GALNT17: variants seen among roughly 807,000 people sequenced by gnomAD.
GALNT17 encodes the protein UDP-GalNAc:polypeptide N-acetylgalactosaminyltransferase-like 3.
Under a neutral mutation model 63.7 loss-of-function variants are expected in GALNT17, and 29 were observed. The ratio of observed to expected loss-of-function variants is 0.46; its 90% confidence interval spans 0.34 to 0.62. The LOEUF (loss-of-function observed/expected upper bound fraction) is 0.62. Among genes scored for constraint, GALNT17 ranks in the 20% least tolerant of loss-of-function variants. GALNT17 has a pLI of 0.01. For synonymous variants in GALNT17, 305 were observed against 318.3 expected (o/e 0.96, Z 0.45); for missense variants, 603 against 799.6 (o/e 0.75, Z 2.97).
chr7:71,391,982 G>A (rs1793060192), intron 3 of GALNT17, among the ~76,000 whole-genome samples: 1 of 152,018 alleles, frequency 6.6e-6, no homozygotes. Context: ...CCCAGACTCT[G>A]TGAGAACTTC....
chr7:71,414,255 A>G (rs1793484679), intron 3 of GALNT17, among the ~76,000 whole-genome samples: 1 of 152,200 alleles, frequency 6.6e-6, no homozygotes, highest in Admixed American at 6.5e-5. Flanking sequence ...ACGTAAAAAT[A>G]AATAAAAATA....
intron 9 of GALNT17, among the ~76,000 whole-genome samples, chr7:71,684,340 G>A (rs1791318343): frequency 6.6e-6 from 1 of 152,166 alleles, no homozygotes; most frequent in Non-Finnish European, 1.5e-5. Flanking sequence ...AAGAAAGAGG[G>A]GGCTAGGGGT....
chr7:71,661,090 C>T (rs185605679), intron 6 of GALNT17, among the ~76,000 whole-genome samples: 1 of 152,308 alleles, frequency 6.6e-6, no homozygotes, highest in Non-Finnish European at 1.5e-5. Flanking sequence ...CTCACTGTTT[C>T]CCCTGCTCAC....
chr7:71,392,015 C>T (rs998139748), intron 3 of GALNT17, among the ~76,000 whole-genome samples: 2 of 152,014 alleles, frequency 1.3e-5, no homozygotes, highest in African/African-American at 4.8e-5. Context: ...AAGGAGGCAT[C>T]GAGCCACAAA....
chr7:71,495,638 C>T lies in GALNT17; in HGVS notation c.962+74533C>T, dbSNP rs116034866. ...GGCCAGGCCCCTAATGACTGATCTC[C>T]TGACCCGGCCTGGAATGGGAGCACT... On this transcript the variant is annotated intron_variant, in intron 5 of 10. Coordinates refer to ENST00000333538, the MANE Select transcript of GALNT17 (RefSeq NM_022479.3). Among the ~76,000 whole-genome samples, 123 of 152,258 alleles carry T rather than the reference C, an allele frequency of 8.1e-4. 1 individual carries two copies. Among genetic ancestry groups the T allele is most frequent in the African/African-American group, 2.9e-3 (120 of 41,562 alleles).
chr7:71,302,426 T>C (rs1333740446), intron 1 of GALNT17, among the ~76,000 whole-genome samples: 1 of 152,188 alleles, frequency 6.6e-6, no homozygotes, highest in Non-Finnish European at 1.5e-5. Context: ...GGCATGGGGC[T>C]TCAGCTGTGT....
At chr7:71,340,152 C>T (rs893097373) in intron 2 of GALNT17, among the ~76,000 whole-genome samples, 1 of 152,172 alleles carries the variant, frequency 6.6e-6, no homozygotes, top group South Asian at 2.1e-4. Flanking sequence ...TTCTGATGGC[C>T]GGGGGAGGGG....
intron 1 of GALNT17, among the ~76,000 whole-genome samples, chr7:71,275,941 A>G (rs754467626): frequency 4.1e-4 from 63 of 152,198 alleles, no homozygotes; most frequent in South Asian, 1.0e-3. Flanking sequence ...TGCACAATCC[A>G]CAACCACCAG....
intron 1 of GALNT17, among the ~76,000 whole-genome samples, chr7:71,238,276 A>G (rs978673194): frequency 6.6e-6 from 1 of 152,170 alleles, no homozygotes; most frequent in Non-Finnish European, 1.5e-5. Context: ...CTCTGGTTCC[A>G]GGGTGGGAGG....
chr7:71,662,318 T>TTCTATC (rs142883000), intron 6 of GALNT17, among the ~76,000 whole-genome samples: 3 of 150,942 alleles, frequency 2.0e-5, no homozygotes, highest in Non-Finnish European at 4.4e-5. Context: ...ATCTCTCTGT[T>TTCTATC]TATCTATCTA....
intron 5 of GALNT17, among the ~76,000 whole-genome samples, chr7:71,527,454 T>G (rs1788642918): frequency 1.3e-5 from 2 of 152,142 alleles, no homozygotes; most frequent in South Asian, 4.1e-4. Flanking sequence ...AGCCTAGAGA[T>G]TCCAAGTCTT....
chr7:71,300,881 G>A (rs943526459), intron 1 of GALNT17: 2 of 153,562 alleles, frequency 1.3e-5, no homozygotes, highest in South Asian at 4.0e-4. Context: ...CAGCTATTCT[G>A]AGGGCCTTGG....
intron 1 of GALNT17, among the ~76,000 whole-genome samples, chr7:71,319,183 C>G (rs1157583933): frequency 7.3e-6 from 1 of 136,706 alleles, no homozygotes; most frequent in Non-Finnish European, 1.6e-5. Context: ...AGCAGTAGTT[C>G]CACATTTATC....
In GALNT17 at chr7:71,377,114, A is replaced by AAAAATATATATATATAT; in HGVS notation, c.423-11120_423-11119insAAATATATATATATATA. On this transcript the variant is annotated intron_variant, in intron 2 of 10. Coordinates refer to ENST00000333538, the MANE Select transcript of GALNT17 (RefSeq NM_022479.3). Reference sequence around the variant, plus strand: ...AAAAAAAAAAAATAAAAATAAAAAAAATATATATATATATATATATATATA... The same window carrying AAAAATATATATATATAT: ...AAAAAAAAAAAATAAAAATAAAAAAAAAAATATATATATATATATATATATATATATATATATATATA... Among the ~76,000 whole-genome samples, 13 of 57,444 alleles carry AAAAATATATATATATAT rather than the reference A, an allele frequency of 2.3e-4. 1 individual carries two copies. Among genetic ancestry groups the AAAAATATATATATATAT allele is most frequent in the African/African-American group, 8.4e-4 (9 of 10,660 alleles). The allele number at this position is 57,444 out of a possible 152,430, so 37.7% of individuals were successfully genotyped here. A position where few individuals can be genotyped will look rare whatever the true frequency, so the allele number is the denominator to read the frequency against.
intron 6 of GALNT17, among the ~76,000 whole-genome samples, chr7:71,607,454 G>T (rs573728111): frequency 6.6e-6 from 1 of 152,266 alleles, no homozygotes; most frequent in African/African-American, 2.4e-5. Flanking sequence ...AGAAAAGTTG[G>T]AAGACAATTT....
chr7:71,215,383 G>C (rs17593300), intron 1 of GALNT17, among the ~76,000 whole-genome samples: 50,381 of 151,976 alleles, frequency 0.33, 9,340 homozygotes, highest in South Asian at 0.53. Context: ...TGTCATTATC[G>C]TTGTGTTTTG....
chr7:71,301,701 TA>T (rs1317792599), intron 1 of GALNT17, among the ~76,000 whole-genome samples: 1 of 152,006 alleles, frequency 6.6e-6, no homozygotes, highest in Non-Finnish European at 1.5e-5. Context: ...ATTGGACACT[TA>T]AAAATTTGTT....
At chr7:71,357,195 G>A (rs1280151625) in intron 2 of GALNT17, among the ~76,000 whole-genome samples, 4 of 152,284 alleles carry the variant, frequency 2.6e-5, no homozygotes, top group South Asian at 2.1e-4. Context: ...GGACTGGTAC[G>A]AGTTTGTGGC....
chr7:71,154,037 G>A (rs1178979606), intron 1 of GALNT17, among the ~76,000 whole-genome samples: 2 of 152,158 alleles, frequency 1.3e-5, no homozygotes, highest in African/African-American at 2.4e-5. Context: ...GCTGGCCTCC[G>A]TGACTTGCTT....
Sources: gnomAD v4.1 joint callset for allele counts (sites outside exome capture counted in the v4.1 genomes callset) on GRCh38, gnomAD v4.1.1 for gene constraint, MANE v1.5 for transcripts, NCBI Gene and HGNC (gene_info 2026-07-23, HGNC 2026-07-21) for gene names.